Variants in DHRSX observed in about 807,000 individuals in gnomAD.
DHRSX encodes dehydrogenase/reductase X-linked, also known as polyprenol dehydrogenase.
Under a neutral mutation model 34.0 loss-of-function variants are expected in DHRSX, and 31 were observed. The ratio of observed to expected loss-of-function variants is 0.91; its 90% CI spans 0.69 to 1.23. DHRSX has a LOEUF of 1.23. Among genes scored for constraint, DHRSX ranks in the 50% most tolerant of loss-of-function variants. The pLI is 0.00. For synonymous variants in DHRSX, 201 were observed against 183.8 expected, an observed-to-expected ratio of 1.09 and a Z score of -0.76; for missense variants, 414 against 428.1, an observed-to-expected ratio of 0.97 and a Z score of 0.29.
intron 1 of DHRSX, among the ~76,000 whole-genome samples, chrX:2,456,112 G>T (rs2044292680): frequency 6.6e-6 from 1 of 152,054 alleles, no homozygotes; most frequent in African/African-American, 2.4e-5. Flanking sequence ...ACCAGCCTCA[G>T]GAACAGGGCA....
chrX:2,469,624 T>C (rs1463765051), intron 1 of DHRSX, among the ~76,000 whole-genome samples: 1 of 148,484 alleles, frequency 6.7e-6, no homozygotes, highest in Non-Finnish European at 1.5e-5. Flanking sequence ...ACTGATGACG[T>C]TGCCTAAGGA....
chrX:2,444,856 T>C (rs1162922801), intron 1 of DHRSX, among the ~76,000 whole-genome samples: 1 of 150,990 alleles, frequency 6.6e-6, no homozygotes, highest in African/African-American at 2.4e-5. Context: ...TGTTAAAAAT[T>C]AAAAATAATA....
At chrX:2,268,846 C>T (rs999866891) in intron 4 of DHRSX, among the ~76,000 whole-genome samples, 3 of 152,224 alleles carry the variant, frequency 2.0e-5, no homozygotes, top group African/African-American at 4.8e-5. Flanking sequence ...GGAACATCTA[C>T]GTGTATTGCA....
intron 3 of DHRSX, among the ~76,000 whole-genome samples, chrX:2,314,212 GGGAAGGAGGGAA>G: frequency 5.6e-5 from 1 of 17,742 alleles, no homozygotes. Context: ...AAGAGAGGGA[GGGAAGGAGGGAA>G]GGAAGGGAGG....
At chrX:2,456,874 C>T (rs1270543260) in intron 1 of DHRSX, among the ~76,000 whole-genome samples, 2 of 152,162 alleles carry the variant, frequency 1.3e-5, no homozygotes, top group African/African-American at 4.8e-5. Flanking sequence ...TTCCAGAAAG[C>T]AAATGAAACT....
chrX:2,252,184 C>G (rs1006629422), intron 5 of DHRSX, among the ~76,000 whole-genome samples: 11 of 152,062 alleles, frequency 7.2e-5, no homozygotes, highest in African/African-American at 2.7e-4. Flanking sequence ...TTGCAGTGAG[C>G]TGATACCACG....
intron 4 of DHRSX, among the ~76,000 whole-genome samples, chrX:2,268,498 C>T (rs1362598289): frequency 6.6e-6 from 1 of 152,160 alleles, no homozygotes; most frequent in Non-Finnish European, 1.5e-5. Flanking sequence ...GGGTATATAA[C>T]TGCATGTATG....
chrX:2,420,868 C>A (rs2043771345), intron 2 of DHRSX, among the ~76,000 whole-genome samples: 1 of 152,068 alleles, frequency 6.6e-6, no homozygotes, highest in Non-Finnish European at 1.5e-5. Flanking sequence ...CACCTGCTTC[C>A]GAAGCTCAAC....
Position 2,291,476 on chromosome X carries a change from C to T in DHRSX, c.388+26G>A, listed in dbSNP as rs1479704041. 4 of 1,573,640 alleles carry T rather than the reference C, an allele frequency of 2.5e-6. No homozygotes were observed. The African/African-American group carries it at 4.0e-5, about 16-fold the overall frequency. On this transcript the variant is annotated intron_variant, in intron 4 of 6. Coordinates refer to ENST00000334651, the MANE Select transcript of DHRSX (RefSeq NM_145177.3). ...TGTTTGCATTCAAATTAACCCCTGG[C>T]TTGCTGCAATTTCACCAGGACTCAC...
chrX:2,366,951 G>A (rs1306524255), intron 3 of DHRSX, among the ~76,000 whole-genome samples: 2 of 151,946 alleles, frequency 1.3e-5, no homozygotes, highest in Non-Finnish European at 2.9e-5. Context: ...CCAGCCCCCT[G>A]GAAAGCTGAC....
chrX:2,398,333 G>A (rs1173309274), intron 3 of DHRSX, among the ~76,000 whole-genome samples: 1 of 152,180 alleles, frequency 6.6e-6, no homozygotes, highest in Admixed American at 6.5e-5. Context: ...CCTAACTCTA[G>A]CCCTAACCCT....
At chrX:2,229,497 T>C (rs1329353599) in intron 6 of DHRSX, among the ~76,000 whole-genome samples, 1 of 152,018 alleles carries the variant, frequency 6.6e-6, no homozygotes, top group African/African-American at 2.4e-5. Flanking sequence ...GAAAATAGGT[T>C]TCGGGGCTGG....
chrX:2,443,403 G>A (rs1313199733), intron 1 of DHRSX, among the ~76,000 whole-genome samples: 4 of 151,832 alleles, frequency 2.6e-5, no homozygotes, highest in Non-Finnish European at 5.9e-5. Context: ...AAAACCAAAG[G>A]CAAACAAGTC....
chrX:2,468,673 C>T (rs999193438), intron 1 of DHRSX, among the ~76,000 whole-genome samples: 5 of 148,594 alleles, frequency 3.4e-5, no homozygotes, highest in Admixed American at 2.7e-4. Context: ...AAGGGACCTC[C>T]ACCATGTACA....
At chrX:2,250,161 CAAAAAAA>C (rs1036532155) in intron 5 of DHRSX, among the ~76,000 whole-genome samples, 28 of 101,812 alleles carry the variant, frequency 2.8e-4, no homozygotes, top group African/African-American at 9.3e-4. Flanking sequence ...GACTCCATCT[CAAAAAAA>C]AAAAAAAAAA....
chrX:2,232,062 T>TTCC (rs1194450386), intron 6 of DHRSX, among the ~76,000 whole-genome samples: 4,008 of 150,758 alleles, frequency 0.027, 205 homozygotes, highest in African/African-American at 0.093. Flanking sequence ...TCCCTCTGTC[T>TTCC]TCCTCCTTTT....
intron 6 of DHRSX, among the ~76,000 whole-genome samples, chrX:2,224,902 C>A (rs1049959072): frequency 1.6e-5 from 1 of 62,492 alleles, no homozygotes; most frequent in African/African-American, 6.4e-5. Context: ...CACACTCGCA[C>A]ACACACACGT....
At position 2,243,146 on chromosome X, in the gene DHRSX, C is replaced by T. The variant is rs754307754; in HGVS notation, c.681G>A (p.Ala227=). ...TGGCGGTCACGTGGCTTCCCTCAGC[C>T]GCCAGCAGCCGCTGGAGGTGGTAGG... The part of the protein sequence containing the change: ...LFTYHLQRLL[A]AEGSHVTANV... Residue 227 remains alanine (A), a synonymous_variant, in exon 6 of 7, where the codon GCG becomes GCA. Transcript: ENST00000334651. The T allele has an allele frequency of 5.0e-6, 8 of 1,613,886 alleles. No homozygotes were observed. Among genetic ancestry groups the T allele is most frequent in the Admixed American group, 1.7e-5 (1 of 60,008 alleles).
At chrX:2,246,750 A>AAGAAAGAAAGAAAGAG (rs1204935283) in intron 5 of DHRSX, among the ~76,000 whole-genome samples, 6 of 108,364 alleles carry the variant, frequency 5.5e-5, no homozygotes, top group East Asian at 7.1e-4. Flanking sequence ...GAAAGAAAGA[A>AAGAAAGAAAGAAAGAG]AAAGAAAGAA....
Sources: allele counts gnomAD v4.1 joint callset (sites outside exome capture counted in the v4.1 genomes callset), GRCh38; gene constraint gnomAD v4.1.1; transcripts MANE v1.5; gene names NCBI Gene and HGNC (gene_info 2026-07-23, HGNC 2026-07-21).